WDR75: variants seen among roughly 807,000 people sequenced by gnomAD.
WDR75 encodes the protein WD repeat domain 75.
In WDR75, 52 loss-of-function variants were observed where a neutral mutation model predicts 106.1. The ratio of observed to expected loss-of-function variants is 0.49; its 90% CI spans 0.39 to 0.62. The LOEUF (loss-of-function observed/expected upper bound fraction) is 0.62, where lower values mean the gene tolerates loss of function less well. WDR75 is among the 20% of genes least tolerant of loss of function. WDR75 has a pLI of 0.00. For synonymous variants in WDR75, 333 were observed against 335.5 expected (o/e 0.99, Z 0.08); for missense variants, 905 against 970.3 (o/e 0.93, Z 0.89).
rs940521167 is a variant in WDR75, at chr2:189,452,083, G to A, written c.373+188G>A. On this transcript the variant is annotated intron_variant, in intron 4 of 20. Transcript: ENST00000314761. ...GAATTCTGAAATATGCAGTGAGGGA[G>A]GGATTATTTTTTATGTGGTTGTAAT... The A allele has an allele frequency of 7.7e-6, 4 of 520,712 alleles. No individual in the cohort carries two copies. In the African/African-American group the frequency reaches 7.8e-5, roughly 10 times the overall value. The allele number at this position is 520,712 out of a possible 1,614,324, so 32.3% of individuals were successfully genotyped here. A position where few individuals can be genotyped will look rare whatever the true frequency, so the allele number is the denominator to read the frequency against.
chr2:189,451,012 G>A, intron 3 of WDR75, 44 bp downstream of exon 3: 3 of 1,572,956 alleles, frequency 1.9e-6, no homozygotes, highest in East Asian at 4.6e-5. Context: ...AATAAAAAAA[G>A]GCAATGTAAT....
At position 189,470,840 on chromosome 2, in the gene WDR75, A is replaced by G. The variant is rs779580741; in HGVS notation, c.2011A>G (p.Lys671Glu). Residue 671 changes from lysine to glutamate, a missense_variant, in exon 18 of 21, where the codon AAG becomes GAG. Transcript: ENST00000314761. ...TCAGAGTTTATTGACATTCAGTACA[A>G]AGTCTCCAGAAGAAAAACTCACACC... ...KSQSLLTFSTKSPEEKLTPTS... is the reference protein window; with the variant it reads ...KSQSLLTFSTESPEEKLTPTS... 2 of 1,595,234 alleles carry G rather than the reference A, an allele frequency of 1.3e-6. No individual in the cohort carries two copies. Among genetic ancestry groups the G allele is most frequent in the Non-Finnish European group, 1.7e-6 (2 of 1,172,306 alleles).
At chr2:189,469,559 G>A (rs1687074945) in intron 16 of WDR75, 120 bp downstream of exon 16, 5 of 747,456 alleles carry the variant, frequency 6.7e-6, no homozygotes, top group Admixed American at 4.8e-5. Context: ...TTTGCTTGAG[G>A]CACGGCCCTT....
At chr2:189,448,634 G>T in intron 2 of WDR75, 126 bp downstream of exon 2, 1 of 1,289,068 alleles carries the variant, frequency 7.8e-7, no homozygotes. Context: ...TCAGTTGTAG[G>T]GTATTTTCCA....
At chr2:189,467,417 A>G in intron 13 of WDR75, 51 bp from the exon 14 acceptor site, 2 of 1,521,734 alleles carry the variant, frequency 1.3e-6, no homozygotes, top group Non-Finnish European at 1.8e-6. Flanking sequence ...CTACTGTAGC[A>G]TTCTCTAGCA....
chr2:189,459,339 G>C lies in WDR75; in HGVS notation c.693G>C (p.Arg231Ser). The change falls in exon 8 of 21, where the codon AGG becomes AGC. Residue 231 changes from arginine (R) to serine (S), a missense_variant. Transcript: ENST00000314761. Reference protein sequence around the residue: ...GHMDGKIRLWRNFYDDKKYTY... With the variant: ...GHMDGKIRLWSNFYDDKKYTY... ...GAGTTTTATCTTTCTCCAATAGGAG[G>C]AATTTTTATGATGATAAGAAATATA... The C allele has an allele frequency of 6.2e-7, 1 of 1,605,750 alleles. No homozygotes were observed. The highest frequency in any genetic ancestry group is 1.7e-5 in the Admixed American group (1 of 58,222).
chr2:189,467,921 C>A (rs893418186), intron 14 of WDR75, among the ~76,000 whole-genome samples: 3 of 152,144 alleles, frequency 2.0e-5, no homozygotes, highest in African/African-American at 7.2e-5. Context: ...TATACATAAG[C>A]CTCAGGGGAT....
chr2:189,468,218 CTG>C (rs1267877291), intron 14 of WDR75, among the ~76,000 whole-genome samples: 2 of 152,080 alleles, frequency 1.3e-5, no homozygotes, highest in Non-Finnish European at 2.9e-5. Context: ...TACATTTTCT[CTG>C]TTAGATGTAA....
At chr2:189,449,659 G>C (rs760375367) in intron 2 of WDR75, 12 of 1,005,776 alleles carry the variant, frequency 1.2e-5, no homozygotes, top group African/African-American at 1.7e-5. Flanking sequence ...CTGGACTTAG[G>C]AGTCACAGTG....
At chr2:189,454,799 A>G (rs767748489) in intron 4 of WDR75, among the ~76,000 whole-genome samples, 2 of 152,040 alleles carry the variant, frequency 1.3e-5, no homozygotes, top group Non-Finnish European at 2.9e-5. Context: ...GTATTTCTAT[A>G]TATTTGGGGC....
intron 19 of WDR75, 37 bp from the exon 20 acceptor site, chr2:189,474,680 C>T (rs1237963171): frequency 6.4e-7 from 1 of 1,571,630 alleles, no homozygotes; most frequent in Non-Finnish European, 8.8e-7. Context: ...GGAGGATAAG[C>T]TTTTTAATTG....
chr2:189,456,713 T>A (rs1310687428), intron 5 of WDR75, among the ~76,000 whole-genome samples: 1 of 152,176 alleles, frequency 6.6e-6, no homozygotes, highest in African/African-American at 2.4e-5. Flanking sequence ...TAGATGTACA[T>A]GTATATCAAA....
chr2:189,469,120 A>G (rs146569644), intron 15 of WDR75, among the ~76,000 whole-genome samples: 8 of 152,290 alleles, frequency 5.3e-5, no homozygotes, highest in East Asian at 1.9e-4. Context: ...ATAAATTTCA[A>G]TGAAATAATA....
intron 4 of WDR75, 76 bp from the exon 5 acceptor site, chr2:189,455,244 A>AG (rs2105558537): frequency 1.3e-6 from 2 of 1,530,444 alleles, no homozygotes; most frequent in East Asian, 2.3e-5. Flanking sequence ...TTGCCTCAAA[A>AG]AAAAAAGAAT....
chr2:189,457,190 G>C (rs774457275), intron 5 of WDR75, 121 bp from the exon 6 acceptor site: 2 of 650,716 alleles, frequency 3.1e-6, no homozygotes, highest in Admixed American at 2.9e-5. Flanking sequence ...GCAGTGAGCC[G>C]AGATCGCACC....
chr2:189,464,077 C>G, intron 11 of WDR75, 116 bp downstream of exon 11: 1 of 844,932 alleles, frequency 1.2e-6, no homozygotes, highest in South Asian at 1.7e-5. Context: ...TTTACTTGAA[C>G]ATAGTATTAT....
intron 9 of WDR75, 87 bp downstream of exon 9, chr2:189,462,729 A>G: frequency 7.7e-7 from 1 of 1,295,228 alleles, no homozygotes; most frequent in Non-Finnish European, 1.1e-6. Context: ...AAGAGACCTA[A>G]AACTAAGAGT....
intron 16 of WDR75, among the ~76,000 whole-genome samples, chr2:189,469,867 T>C (rs2105573128): frequency 6.6e-6 from 1 of 152,288 alleles, no homozygotes; most frequent in East Asian, 1.9e-4. Flanking sequence ...TTCTTCTTTC[T>C]GTTTTTCATC....
chr2:189,462,734 A>T, intron 9 of WDR75, 92 bp downstream of exon 9: 1 of 1,243,090 alleles, frequency 8.0e-7, no homozygotes. Flanking sequence ...ACCTAAAACT[A>T]AGAGTAGCGT....
Sources: gnomAD v4.1 joint callset for allele counts (sites outside exome capture counted in the v4.1 genomes callset) on GRCh38, gnomAD v4.1.1 for gene constraint, MANE v1.5 for transcripts, NCBI Gene and HGNC (gene_info 2026-07-23, HGNC 2026-07-21) for gene names.